TMSB15B: variants seen among roughly 807,000 people sequenced by gnomAD.
The protein encoded by TMSB15B is thymosin beta-15B.
intron 1 of TMSB15B, among the ~76,000 whole-genome samples, chrX:103,930,439 G>T (rs781811707): frequency 1.8e-5 from 2 of 111,062 alleles, no homozygotes; most frequent in Admixed American, 9.6e-5. Context: ...ATGTGACCCT[G>T]TGTTCTTGTA....
At chrX:103,947,854 TA>T (rs200419235) in intron 1 of TMSB15B, among the ~76,000 whole-genome samples, 1 of 111,474 alleles carries the variant, frequency 9.0e-6, no homozygotes, top group African/African-American at 3.3e-5. Flanking sequence ...AGGAAACCTA[TA>T]AAAAAATGCT....
At chrX:103,932,174 G>T (rs1380419437) in intron 1 of TMSB15B, 1 of 112,157 alleles carries the variant, frequency 8.9e-6, no homozygotes, top group African/African-American at 3.2e-5. Context: ...CAAAGAGGGG[G>T]TCATGTGAAC....
chrX:103,954,116 T>C (rs1167185194), intron 1 of TMSB15B, among the ~76,000 whole-genome samples: 17 of 112,242 alleles, frequency 1.5e-4, no homozygotes, highest in African/African-American at 5.2e-4. Context: ...AAGTGGTGAA[T>C]TGGCAAGATA....
intron 1 of TMSB15B, among the ~76,000 whole-genome samples, chrX:103,925,916 T>A (rs1329145881): frequency 5.4e-5 from 6 of 111,588 alleles, no homozygotes; most frequent in Non-Finnish European, 1.1e-4. Context: ...GCAGGTAAGA[T>A]TTGGGAAAGA....
At chrX:103,926,760 A>G (rs782116266) in intron 1 of TMSB15B, among the ~76,000 whole-genome samples, 9 of 109,983 alleles carry the variant, frequency 8.2e-5, no homozygotes, top group South Asian at 4.0e-4. Flanking sequence ...CCCAACCTTC[A>G]TGCCCCCCAT....
intron 1 of TMSB15B, among the ~76,000 whole-genome samples, chrX:103,938,114 A>G (rs1207383375): frequency 3.6e-5 from 4 of 111,605 alleles, no homozygotes; most frequent in African/African-American, 1.3e-4. Flanking sequence ...AATAAGTGCT[A>G]TGTGGTGCTG....
At chrX:103,921,561 G>T (rs1362488902) in intron 1 of TMSB15B, among the ~76,000 whole-genome samples, 1 of 111,878 alleles carries the variant, frequency 8.9e-6, no homozygotes, top group Non-Finnish European at 1.9e-5. Flanking sequence ...GGGATGGGGG[G>T]AGTATTTGCA....
chrX:103,920,547 A>G (rs1556317531), intron 1 of TMSB15B, among the ~76,000 whole-genome samples: 1 of 112,341 alleles, frequency 8.9e-6, no homozygotes, highest in African/African-American at 3.2e-5. Flanking sequence ...ACAGGTTCCT[A>G]CCCGCGGTCC....
At chrX:103,920,983 C>T (rs1286572092) in intron 1 of TMSB15B, among the ~76,000 whole-genome samples, 1 of 112,104 alleles carries the variant, frequency 8.9e-6, no homozygotes, top group African/African-American at 3.2e-5. Context: ...CTAGGAGGCT[C>T]CTGTGGGGCC....
At chrX:103,935,328 C>T (rs189940907) in intron 1 of TMSB15B, among the ~76,000 whole-genome samples, 4 of 111,837 alleles carry the variant, frequency 3.6e-5, no homozygotes, top group African/African-American at 6.5e-5. Flanking sequence ...TTTTGCTGTG[C>T]GGAAGCTCTT....
chrX:103,925,991 G>T (rs2074966969), intron 1 of TMSB15B, among the ~76,000 whole-genome samples: 1 of 111,475 alleles, frequency 9.0e-6, no homozygotes, highest in African/African-American at 3.3e-5. Context: ...CTGGGTATCT[G>T]GGAGGAGTCC....
chrX:103,920,863 A>G (rs113000097), intron 1 of TMSB15B, among the ~76,000 whole-genome samples: 431 of 111,814 alleles, frequency 3.9e-3, no homozygotes, highest in African/African-American at 0.012. Flanking sequence ...CCATGGAAAC[A>G]GCATGCAGGG....
chrX:103,934,136 G>A (rs1478102662), intron 1 of TMSB15B, among the ~76,000 whole-genome samples: 2 of 109,927 alleles, frequency 1.8e-5, no homozygotes, highest in African/African-American at 6.6e-5. Flanking sequence ...CTCTTCATTC[G>A]CCCCTCTGCA....
intron 1 of TMSB15B, among the ~76,000 whole-genome samples, chrX:103,944,468 G>A (rs781991752): frequency 1.8e-5 from 2 of 112,270 alleles, no homozygotes; most frequent in South Asian, 7.4e-4. Context: ...AACAAGGTGG[G>A]AACTCAAACA....
At chrX:103,950,750 G>A (rs184861152) in intron 1 of TMSB15B, among the ~76,000 whole-genome samples, 20 of 110,361 alleles carry the variant, frequency 1.8e-4, no homozygotes, top group Non-Finnish European at 3.4e-4. Flanking sequence ...ATTTGTGTGT[G>A]TTATATAATA....
At chrX:103,941,946 T>G (rs2075013648) in intron 1 of TMSB15B, among the ~76,000 whole-genome samples, 1 of 107,048 alleles carries the variant, frequency 9.3e-6, no homozygotes, top group South Asian at 3.8e-4. Flanking sequence ...TTCAAGACAT[T>G]TGCCATTTTT....
At chrX:103,920,488 T>A (rs2074949140) in intron 1 of TMSB15B, among the ~76,000 whole-genome samples, 1 of 111,650 alleles carries the variant, frequency 9.0e-6, no homozygotes, top group Admixed American at 9.5e-5. Context: ...GGGCCTGTCA[T>A]CAGTGTATTT....
chrX:103,920,582 C>G (rs782452350), intron 1 of TMSB15B, among the ~76,000 whole-genome samples: 2 of 112,797 alleles, frequency 1.8e-5, no homozygotes, highest in South Asian at 7.3e-4. Context: ...TGCAAAGAAT[C>G]TGGACTCCGT....
intron 1 of TMSB15B, chrX:103,932,057 C>G (rs1323437174): frequency 8.9e-6 from 1 of 112,112 alleles, no homozygotes; most frequent in Non-Finnish European, 1.9e-5. Context: ...GTACCTCACC[C>G]TATGCATCTC....
Sources: gnomAD v4.1 joint callset for allele counts (sites outside exome capture counted in the v4.1 genomes callset) on GRCh38, gnomAD v4.1.1 for gene constraint, MANE v1.5 for transcripts, NCBI Gene and HGNC (gene_info 2026-07-23, HGNC 2026-07-21) for gene names.